ZC3HAV1: variants seen among roughly 807,000 people sequenced by gnomAD.
The protein encoded by ZC3HAV1 is zinc finger CCCH-type antiviral protein 1.
Under a neutral mutation model 86.6 loss-of-function variants are expected in ZC3HAV1, and 41 were observed. The ratio of observed to expected loss-of-function variants is 0.47; its 90% CI spans 0.37 to 0.61. The LOEUF is 0.61. Ranked by LOEUF, ZC3HAV1 falls within the 20% of genes least tolerant of loss-of-function variation. ZC3HAV1 has a pLI of 0.00. For missense variants in ZC3HAV1, 964 were observed against 1,141.1 expected, an observed-to-expected ratio of 0.84 and a Z score of 2.24; for synonymous variants, 421 against 432.1, an observed-to-expected ratio of 0.97 and a Z score of 0.32.
At chr7:139,106,210 C>T (rs942490234) in intron 1 of ZC3HAV1, among the ~76,000 whole-genome samples, 5 of 152,060 alleles carry the variant, frequency 3.3e-5, no homozygotes, top group African/African-American at 1.2e-4. Flanking sequence ...CTGTTTCAAA[C>T]CAGGGAAAAA....
rs1815996220 is a variant in ZC3HAV1 at position 139,047,598 on chromosome 7, CTAAT to C, written c.2701_2704del (p.Ile901ValfsTer13). The stretch of plus-strand genomic sequence containing the variant: ...CTGACGCTGTATTCATCGGTTCTAA[CTAAT>C]CACGCAGGCTTTGTCTTCAGTATAT... On this transcript the variant is annotated frameshift_variant, in exon 13 of 13. Coordinates refer to ENST00000242351, the MANE Select transcript of ZC3HAV1 (RefSeq NM_020119.4). LOFTEE classifies it high-confidence loss of function. 6.2e-7 allele frequency: 1 copy of C among 1,613,962 alleles called. No homozygotes were observed. The highest frequency in any genetic ancestry group is 8.5e-7 in the Non-Finnish European group (1 of 1,180,020).
chr7:139,059,187 A>C (rs866755208), intron 9 of ZC3HAV1, among the ~76,000 whole-genome samples: 2 of 151,916 alleles, frequency 1.3e-5, no homozygotes, highest in Non-Finnish European at 2.9e-5. Flanking sequence ...TTTTTCCCCC[A>C]CCTAACATTT....
chr7:139,073,730 A>T, intron 7 of ZC3HAV1, 126 bp downstream of exon 7: 5 of 866,674 alleles, frequency 5.8e-6, no homozygotes, highest in Non-Finnish European at 8.0e-6. Flanking sequence ...ATCTCAGGTG[A>T]TCCACCTGCC....
chr7:139,089,616 C>T lies in ZC3HAV1; in HGVS notation c.444+8G>A. On this transcript the variant is annotated splice_region_variant and intron_variant, in intron 2 of 12. Coordinates refer to ENST00000242351, the MANE Select transcript of ZC3HAV1 (RefSeq NM_020119.4). ...TCTCCCTCCTTAAACTGAGGAATCA[C>T]AACTTACCTCGGGCATAAAAAAAGG... is the stretch of plus-strand genomic sequence containing the variant. 1 of 1,601,366 alleles carries T rather than the reference C, an allele frequency of 6.2e-7. No homozygotes were observed. Among genetic ancestry groups the T allele is most frequent in the Non-Finnish European group, 8.5e-7 (1 of 1,175,562 alleles).
chr7:139,103,141 A>G (rs1483670926), intron 1 of ZC3HAV1, among the ~76,000 whole-genome samples: 1 of 151,058 alleles, frequency 6.6e-6, no homozygotes, highest in Non-Finnish European at 1.5e-5. Flanking sequence ...CCTGGGATCA[A>G]ACAATCCTTC....
intron 1 of ZC3HAV1, among the ~76,000 whole-genome samples, chr7:139,097,401 CATATATAT>C (rs1183885767): frequency 6.3e-5 from 4 of 63,856 alleles, no homozygotes; most frequent in Admixed American, 2.2e-4. Context: ...ATTGGAACTC[CATATATAT>C]ATATATATAT....
At chr7:139,067,123 G>A (rs1244692703) in intron 7 of ZC3HAV1, among the ~76,000 whole-genome samples, 1 of 152,040 alleles carries the variant, frequency 6.6e-6, no homozygotes, top group African/African-American at 2.4e-5. Flanking sequence ...ATATGTAGGG[G>A]AGGCAAAATT....
At position 139,047,387 on chromosome 7, in the gene ZC3HAV1, C is replaced by A; in HGVS notation, c.*207G>T. 1.5e-5 allele frequency: 8 copies of A among 532,308 alleles called. No homozygotes were observed. The highest frequency in any genetic ancestry group is 5.0e-4 in the Middle Eastern group (1 of 1,992). The allele number at this position is 532,308 out of a possible 1,614,324, so 33.0% of individuals were successfully genotyped here. On this transcript the variant is annotated 3_prime_UTR_variant, in exon 13 of 13. Transcript: ENST00000242351. Reference sequence around the variant, plus strand: ...TGGCGCTGACGCCCAGAAATGATTTCATTGGCATGGGGTGCAACCTGGGCA... The same window carrying A: ...TGGCGCTGACGCCCAGAAATGATTTAATTGGCATGGGGTGCAACCTGGGCA...
chr7:139,062,901 C>T (rs1227297816), intron 8 of ZC3HAV1, among the ~76,000 whole-genome samples: 1 of 151,710 alleles, frequency 6.6e-6, no homozygotes, highest in Non-Finnish European at 1.5e-5. Flanking sequence ...TGGTAGCACA[C>T]ACCTGTAGTC....
chr7:139,055,128 C>G, intron 10 of ZC3HAV1, 77 bp downstream of exon 10: 1 of 1,311,346 alleles, frequency 7.6e-7, no homozygotes, highest in Non-Finnish European at 1.1e-6. Context: ...TTCATCCAGA[C>G]AAACACATAC....
chr7:139,052,739 T>C (rs751929033), intron 12 of ZC3HAV1, among the ~76,000 whole-genome samples: 6 of 149,714 alleles, frequency 4.0e-5, no homozygotes, highest in Non-Finnish European at 7.4e-5. Flanking sequence ...CTTGGCAACA[T>C]GGCGAAACCC....
chr7:139,048,809 T>C (rs969010863), intron 12 of ZC3HAV1, among the ~76,000 whole-genome samples: 5 of 152,128 alleles, frequency 3.3e-5, no homozygotes, highest in African/African-American at 9.7e-5. Context: ...CCAGAAACAT[T>C]GCTTATCCTG....
chr7:139,059,995 G>A (rs966432664), intron 9 of ZC3HAV1, among the ~76,000 whole-genome samples: 2 of 152,126 alleles, frequency 1.3e-5, no homozygotes, highest in Non-Finnish European at 2.9e-5. Context: ...GGGTGGCAAG[G>A]TGGAATTTGA....
At chr7:139,054,499 T>A (rs1487856764) in intron 10 of ZC3HAV1, among the ~76,000 whole-genome samples, 8 of 152,226 alleles carry the variant, frequency 5.3e-5, no homozygotes, top group Non-Finnish European at 8.8e-5. Context: ...CTAGGTTAAG[T>A]GACACAGTGA....
intron 12 of ZC3HAV1, among the ~76,000 whole-genome samples, chr7:139,050,947 C>G (rs1196766252): frequency 1.3e-5 from 2 of 152,222 alleles, no homozygotes; most frequent in African/African-American, 2.4e-5. Flanking sequence ...ATACCTTGTT[C>G]CATTTCTCCC....
At position 139,090,860 on chromosome 7, in the gene ZC3HAV1, G is replaced by A. The variant is rs4732349; in HGVS notation, c.309-1101C>T. On this transcript the variant is annotated intron_variant, in intron 1 of 12. Transcript: ENST00000242351. ...CAGTGTAACCTCATATGAAAAAATA[G>A]AGAACCAAGGACTCTGTCAACCAGG... 7.7e-3 allele frequency among the ~76,000 whole-genome samples: 1,173 copies of A among 152,220 alleles called. 16 individuals are homozygous for A. The highest frequency in any genetic ancestry group is 0.024 in the Middle Eastern group (7 of 294).
chr7:139,095,701 C>T (rs771311741), intron 1 of ZC3HAV1, among the ~76,000 whole-genome samples: 3 of 152,170 alleles, frequency 2.0e-5, no homozygotes, highest in Non-Finnish European at 4.4e-5. Flanking sequence ...ACCGGTGCCA[C>T]CAAAATATCA....
chr7:139,080,664 G>T (rs773554198), intron 3 of ZC3HAV1, among the ~76,000 whole-genome samples: 1 of 152,154 alleles, frequency 6.6e-6, no homozygotes, highest in Admixed American at 6.5e-5. Context: ...TGACAGTGAG[G>T]ATCAGCTCTA....
intron 1 of ZC3HAV1, among the ~76,000 whole-genome samples, chr7:139,105,831 C>G (rs1004247955): frequency 3.3e-5 from 5 of 151,724 alleles, no homozygotes; most frequent in Non-Finnish European, 5.9e-5. Context: ...TTTTGGAAGA[C>G]AAGGTTTTAT....
Sources: allele counts gnomAD v4.1 joint callset (sites outside exome capture counted in the v4.1 genomes callset), GRCh38; gene constraint gnomAD v4.1.1; transcripts MANE v1.5; gene names NCBI Gene and HGNC (gene_info 2026-07-23, HGNC 2026-07-21).